SP1: variants seen among roughly 807,000 people sequenced by gnomAD.
The protein encoded by SP1 is transcription factor Sp1.
In SP1, 6 loss-of-function variants were observed where a neutral mutation model predicts 66.3. That is an observed-to-expected ratio of 0.09 (90% CI 0.05 to 0.18). The LOEUF (loss-of-function observed/expected upper bound fraction) is 0.18, where lower values mean the gene tolerates loss of function less well. SP1 is among the 10% of genes least tolerant of loss of function. The pLI, the probability that SP1 is intolerant of heterozygous loss-of-function variation, is 1.00. For synonymous variants in SP1, 417 were observed against 360.8 expected (o/e 1.16, Z -1.77); for missense variants, 848 against 964.5 (o/e 0.88, Z 1.60).
At chr12:53,409,216 C>CTG in intron 4 of SP1, 146 bp from the exon 5 acceptor site, 1 of 639,950 alleles carries the variant, frequency 1.6e-6, no homozygotes, top group Non-Finnish European at 2.7e-6. Flanking sequence ...CAGAGTGAGA[C>CTG]TCTCTCAAAA....
intron 3 of SP1, among the ~76,000 whole-genome samples, chr12:53,402,027 C>T (rs369621520): frequency 4.6e-5 from 7 of 152,080 alleles, no homozygotes; most frequent in Non-Finnish European, 7.4e-5. Context: ...GAGAAGCTGA[C>T]GACCAGAAAA....
At position 53,414,634 on chromosome 12, in the gene SP1, T is replaced by A. The variant is rs1424938015; in HGVS notation, c.*3394T>A. 6.6e-6 allele frequency: 1 copy of A among 152,660 alleles called. No individual in the cohort carries two copies. Among genetic ancestry groups the A allele is most frequent in the African/African-American group, 2.4e-5 (1 of 41,450 alleles). 9.5% of individuals were successfully genotyped at this position (152,660 alleles called of 1,614,324 possible). A position where few individuals can be genotyped will look rare whatever the true frequency, so the allele number is the denominator to read the frequency against. On this transcript the variant is annotated 3_prime_UTR_variant, in exon 6 of 6. Coordinates refer to ENST00000327443, the MANE Select transcript of SP1 (RefSeq NM_138473.3). ...AGGAAACTAAGCATTGTATTTTTTT[T>A]AACAAATCTAAAAAAGCACTATGAA...
intron 3 of SP1, among the ~76,000 whole-genome samples, chr12:53,397,579 C>CTTT (rs1402737108): frequency 8.3e-5 from 12 of 144,084 alleles, no homozygotes; most frequent in East Asian, 4.0e-4. Context: ...ACTCTTTTTC[C>CTTT]TTTTTTTTTC....
At chr12:53,402,416 G>A (rs1049859778) in intron 3 of SP1, among the ~76,000 whole-genome samples, 4 of 151,580 alleles carry the variant, frequency 2.6e-5, no homozygotes, top group Admixed American at 1.3e-4. Flanking sequence ...TAGAGAAGGG[G>A]TTTCACCATC....
chr12:53,383,242 A>T lies in SP1; in HGVS notation c.1295A>T (p.Gln432Leu). 6.2e-7 allele frequency: 1 copy of T among 1,614,210 alleles called. No homozygotes were observed. The highest frequency in any genetic ancestry group is 1.1e-5 in the South Asian group (1 of 91,090). The change falls in exon 3 of 6, where the codon CAG becomes CTG. Residue 432 changes from glutamine to leucine, a missense_variant. By Grantham distance (113) the Gln-to-Leu change is moderately radical (BLOSUM62 -2). This residue lies in a region of SP1 where 606 missense variants were observed against 589.9 expected (regional missense o/e 1.03). Coordinates refer to ENST00000327443, the MANE Select transcript of SP1 (RefSeq NM_138473.3). ...GQTFTTQAIS[Q>L]ETLQNLQLQA... ...ACCTTTACAACTCAAGCCATCTCCC[A>T]GGAAACCCTCCAGAACCTCCAGCTT...
At chr12:53,391,570 G>A (rs141261065) in intron 3 of SP1, among the ~76,000 whole-genome samples, 13 of 151,970 alleles carry the variant, frequency 8.6e-5, no homozygotes, top group Non-Finnish European at 1.0e-4. Flanking sequence ...GTTTCCACCC[G>A]CCTCGGCCTC....
intron 3 of SP1, among the ~76,000 whole-genome samples, chr12:53,403,242 A>C (rs1938652139): frequency 6.6e-6 from 1 of 152,204 alleles, no homozygotes; most frequent in East Asian, 1.9e-4. Flanking sequence ...AAGTAAAATC[A>C]AGAACCTGGA....
In SP1 at chr12:53,381,817, A is replaced by T. The variant is rs1342102984; in HGVS notation, c.162+4A>T. 6.2e-7 allele frequency: 1 copy of T among 1,610,676 alleles called. No individual in the cohort carries two copies. On this transcript the variant is annotated splice_donor_region_variant and intron_variant, in intron 2 of 5. Transcript: ENST00000327443. The stretch of plus-strand genomic sequence containing the variant: ...CAGCACTGGAGGAGGAGGGCAGGTA[A>T]GTGATAATCATAGAGTGGGGAAGGT...
chr12:53,384,863 T>G (rs1310782427), intron 3 of SP1, among the ~76,000 whole-genome samples: 1 of 151,916 alleles, frequency 6.6e-6, no homozygotes. Flanking sequence ...TACATGCCTA[T>G]GGGCCCAGCT....
At chr12:53,392,646 C>T (rs551084184) in intron 3 of SP1, among the ~76,000 whole-genome samples, 55 of 151,890 alleles carry the variant, frequency 3.6e-4, no homozygotes, top group African/African-American at 1.3e-3. Flanking sequence ...CGTGAGCCAC[C>T]GCGCCCGGCC....
chr12:53,409,579 G>T lies in SP1; in HGVS notation c.2044+18G>T. ...ACACACAGGTGAGCAAGAGCCTATGGGAGAGAAAAATAGTAATAGACTAGA... is the reference window on the plus strand; with the variant it reads ...ACACACAGGTGAGCAAGAGCCTATGTGAGAGAAAAATAGTAATAGACTAGA... On this transcript the variant is annotated intron_variant, in intron 5 of 5. Transcript: ENST00000327443. 1 of 1,603,002 alleles carries T rather than the reference G, an allele frequency of 6.2e-7. No homozygotes were observed. Among genetic ancestry groups the T allele is most frequent in the Non-Finnish European group, 8.5e-7 (1 of 1,170,544 alleles).
In SP1 at chr12:53,406,597, C is replaced by G. The variant is rs201139894; in HGVS notation, c.1688C>G (p.Ala563Gly). 6.2e-5 allele frequency: 100 copies of G among 1,613,772 alleles called. No homozygotes were observed. In the Middle Eastern group the frequency reaches 9.9e-4, roughly 16 times the overall value. Residue 563 changes from alanine to glycine, a missense_variant, in exon 4 of 6, where the codon GCT (alanine) becomes GGT (glycine). Coordinates refer to ENST00000327443, the MANE Select transcript of SP1 (RefSeq NM_138473.3). ...AIANAPGDHG[A>G]QLGLHGAGGD... ...CTCTTAATTTCAGGTGATCATGGAG[C>G]TCAGCTTGGTCTCCATGGGGCTGGT... is the stretch of plus-strand genomic sequence containing the variant.
chr12:53,388,274 T>C (rs1366256638), intron 3 of SP1, among the ~76,000 whole-genome samples: 1 of 152,188 alleles, frequency 6.6e-6, no homozygotes. Flanking sequence ...TTTGGATCCT[T>C]GCAATTTCTA....
intron 3 of SP1, among the ~76,000 whole-genome samples, chr12:53,404,508 C>T (rs575239177): frequency 2.5e-4 from 37 of 149,636 alleles, no homozygotes; most frequent in African/African-American, 8.9e-4. Context: ...TGCCATTGCA[C>T]TCCAGCCTGG....
At position 53,391,840 on chromosome 12, in the gene SP1, A is replaced by G. The variant is rs767482814; in HGVS notation, c.1675+8218A>G. Among the ~76,000 whole-genome samples the G allele has an allele frequency of 6.3e-4, 96 of 151,854 alleles. 2 individuals carry two copies. The highest frequency in any genetic ancestry group is 7.8e-4 in the East Asian group (4 of 5,158). On this transcript the variant is annotated intron_variant, in intron 3 of 5. Coordinates refer to ENST00000327443, the MANE Select transcript of SP1 (RefSeq NM_138473.3). ...TGTTTAGCTCCCACTTACAAGTGAG[A>G]ACATGCAGTATTTTGTTTTCTGTTC...
chr12:53,382,045 A>G, intron 2 of SP1, 65 bp from the exon 3 acceptor site: 2 of 1,484,100 alleles, frequency 1.3e-6, no homozygotes, highest in Non-Finnish European at 1.9e-6. Flanking sequence ...TATTTGTTGT[A>G]TACTGCCCCC....
rs1339545699 is a variant in SP1 at position 53,411,200 on chromosome 12, C to T, written c.2318C>T (p.Ala773Val). ...AGTGGCATCAACGTCATGCAGGTGG[C>T]AGATCTGCAGTCCATTAATATCAGT... is the stretch of plus-strand genomic sequence containing the variant. ...ANSGINVMQVADLQSINISGN... is the reference protein window; with the variant it reads ...ANSGINVMQVVDLQSINISGN... Residue 773 changes from alanine to valine, a missense_variant, in exon 6 of 6, where the codon GCA becomes GTA. Physicochemically the swap from Ala to Val is moderately conservative, Grantham distance 64. Around this residue, in one of 7 missense-constraint regions of SP1, gnomAD observed 73 missense variants for 91.9 expected, o/e 0.79. Coordinates refer to ENST00000327443, the MANE Select transcript of SP1 (RefSeq NM_138473.3). 1.9e-6 allele frequency: 3 copies of T among 1,613,488 alleles called. No homozygotes were observed. The highest frequency in any genetic ancestry group is 1.7e-5 in the Admixed American group (1 of 60,004).
At chr12:53,390,482 T>C (rs1938322791) in intron 3 of SP1, among the ~76,000 whole-genome samples, 1 of 152,056 alleles carries the variant, frequency 6.6e-6, no homozygotes, top group Non-Finnish European at 1.5e-5. Flanking sequence ...CAGGAGTTCG[T>C]GACCAGCCTG....
At chr12:53,398,722 GAA>G (rs1350271889) in intron 3 of SP1, among the ~76,000 whole-genome samples, 5 of 152,156 alleles carry the variant, frequency 3.3e-5, no homozygotes, top group Admixed American at 1.3e-4. Flanking sequence ...TGGGTAATGA[GAA>G]AATTAAAAGC....
Sources: allele counts gnomAD v4.1 joint callset (sites outside exome capture counted in the v4.1 genomes callset), GRCh38; gene constraint gnomAD v4.1.1; regional missense constraint gnomAD v4.1.1; transcripts MANE v1.5; gene names NCBI Gene and HGNC (gene_info 2026-07-23, HGNC 2026-07-21).